Variants in REXO1 observed in about 807,000 individuals in gnomAD.
REXO1 encodes REX1, RNA exonuclease 1 homolog.
REXO1 carries 42 observed loss-of-function variants against 102.6 expected under a neutral mutation model. The ratio of observed to expected loss-of-function variants is 0.41; its 90% CI spans 0.32 to 0.53. The LOEUF is 0.53. Among genes scored for constraint, REXO1 ranks in the 20% least tolerant of loss-of-function variants. REXO1 has a pLI of 0.27. For synonymous variants in REXO1, 908 were observed against 779.1 expected (o/e 1.17, Z -2.76); for missense variants, 1,819 against 1,732.5 (o/e 1.05, Z -0.89).
At position 1,827,280 on chromosome 19, in the gene REXO1, G is replaced by A. The variant is rs1259270111; in HGVS notation, c.1509C>T (p.Gly503=). 7 of 1,563,092 alleles carry A rather than the reference G, an allele frequency of 4.5e-6. No homozygotes were observed. Among genetic ancestry groups the A allele is most frequent in the East Asian group, 4.7e-5 (2 of 42,544 alleles). The change falls in exon 2 of 16, where the codon GGC becomes GGT. Residue 503 remains glycine, a synonymous_variant. Transcript: ENST00000170168. ...VERKARSLDE[G]ASQDAPKLKK... ...TCAGCTTGGGGGCGTCCTGGGAGGC[G>A]CCCTCGTCTAGTGAGCGGGCTTTCC...
intron 12 of REXO1, 159 bp downstream of exon 12, chr19:1,817,060 G>C: frequency 4.5e-6 from 4 of 883,028 alleles, no homozygotes; most frequent in Non-Finnish European, 6.8e-6. Flanking sequence ...GGGAAGTATG[G>C]GGTGTTGGTC....
chr19:1,840,439 A>G (rs16990962), intron 1 of REXO1, among the ~76,000 whole-genome samples: 2,436 of 152,218 alleles, frequency 0.016, 57 homozygotes, highest in African/African-American at 0.054. Flanking sequence ...CAGATGAGAC[A>G]GCATATCAAC....
Position 1,825,939 on chromosome 19 carries a change from G to C in REXO1, c.1916C>G (p.Pro639Arg). ...EDRGRLARQP[P>R]KEEKSEEKGL... Reference sequence around the variant, plus strand: ...CTTCTCCTCACTCTTCTCTTCCTTGGGGGGCTAAGACACATGTCCGTCCGT... The same window carrying C: ...CTTCTCCTCACTCTTCTCTTCCTTGCGGGGCTAAGACACATGTCCGTCCGT... Residue 639 changes from proline (P) to arginine (R), a missense_variant, in exon 3 of 16, where the codon CCC becomes CGC. Coordinates refer to ENST00000170168, the MANE Select transcript of REXO1 (RefSeq NM_020695.4). 6.2e-7 allele frequency: 1 copy of C among 1,610,168 alleles called. No homozygotes were observed. Among genetic ancestry groups the C allele is most frequent in the Non-Finnish European group, 8.5e-7 (1 of 1,176,728 alleles).
intron 11 of REXO1, 121 bp downstream of exon 11, chr19:1,817,586 G>A: frequency 7.0e-7 from 1 of 1,437,318 alleles, no homozygotes; most frequent in Non-Finnish European, 9.4e-7. Flanking sequence ...CACAAGAAAG[G>A]CTGCCCGGGG....
rs539586748 is a variant in REXO1, at chr19:1,816,539, G to A, written c.3348C>T (p.Ala1116=). 7.9e-5 allele frequency: 128 copies of A among 1,611,378 alleles called. No individual in the cohort carries two copies. The South Asian group carries it at 1.2e-3, about 15-fold the overall frequency. The change falls in exon 14 of 16, where the codon GCC becomes GCT. Residue 1116 remains alanine (A), a synonymous_variant. Transcript: ENST00000170168. ...CGTCACGCAGCGTGACACTTGTGTC[G>A]GCAAGGTCAGCCTCCGTCACCCCCG... is the stretch of plus-strand genomic sequence containing the variant. ...RFSGVTEADL[A]DTSVTLRDVQ... is the part of the protein sequence containing the mutation.
intron 3 of REXO1, among the ~76,000 whole-genome samples, chr19:1,824,878 CG>C (rs1181902922): frequency 6.6e-6 from 1 of 152,068 alleles, no homozygotes; most frequent in Non-Finnish European, 1.5e-5. Context: ...CTCCACCTCC[CG>C]GGTTCAAGCA....
At chr19:1,841,247 A>G (rs2011261362) in intron 1 of REXO1, among the ~76,000 whole-genome samples, 1 of 152,180 alleles carries the variant, frequency 6.6e-6, no homozygotes, top group African/African-American at 2.4e-5. Context: ...TTTGTTCTGC[A>G]GCAGATCATA....
rs575686528 is a variant in REXO1, at chr19:1,827,004, C to G, written c.1785G>C (p.Ala595=). Residue 595 remains alanine (A), a synonymous_variant, in exon 2 of 16, where the codon GCG becomes GCC. Transcript: ENST00000170168. The part of the protein sequence containing the change: ...SSSSSTSSAG[A]DVDYSALEKE... ...TCTCCAGGGCCGAGTAGTCCACATCCGCCCCCGCGCTGGAGGTGGAGGAGG... is the reference window on the plus strand; with the variant it reads ...TCTCCAGGGCCGAGTAGTCCACATCGGCCCCCGCGCTGGAGGTGGAGGAGG... 4.6e-5 allele frequency: 72 copies of G among 1,551,650 alleles called. No individual in the cohort carries two copies. The highest frequency in any genetic ancestry group is 5.9e-5 in the Non-Finnish European group (68 of 1,148,686).
chr19:1,817,109 C>A, intron 12 of REXO1, 110 bp downstream of exon 12: 8 of 1,326,222 alleles, frequency 6.0e-6, no homozygotes, highest in Non-Finnish European at 8.2e-6. Context: ...GCGAGAGAAA[C>A]CCTGAGCGCT....
At position 1,819,252 on chromosome 19, in the gene REXO1, C is replaced by T; in HGVS notation, c.2651-121G>A. 7.0e-6 allele frequency: 5 copies of T among 714,594 alleles called. No homozygotes were observed. In the South Asian group the frequency reaches 8.0e-5, roughly 11 times the overall value. 44.3% of individuals were successfully genotyped at this position (714,594 alleles called of 1,614,324 possible). A position where few individuals can be genotyped will look rare whatever the true frequency, so the allele number is the denominator to read the frequency against. On this transcript the variant is annotated intron_variant, in intron 7 of 15. Transcript: ENST00000170168. ...CTGCCTCAACTCCCCCTTTCTGGGACAGCACCCCACTGACCCCGGGTTCCA... is the reference window on the plus strand; with the variant it reads ...CTGCCTCAACTCCCCCTTTCTGGGATAGCACCCCACTGACCCCGGGTTCCA...
intron 3 of REXO1, 110 bp downstream of exon 3, chr19:1,825,729 G>A (rs752277512): frequency 2.7e-6 from 2 of 729,256 alleles, no homozygotes; most frequent in Non-Finnish European, 4.6e-6. Context: ...ACCCGCCTTG[G>A]CCTCCCAAAG....
At chr19:1,819,258 C>A in intron 7 of REXO1, 127 bp from the exon 8 acceptor site, 1 of 703,274 alleles carries the variant, frequency 1.4e-6, no homozygotes, top group Non-Finnish European at 2.3e-6. Flanking sequence ...GGGACAGCAC[C>A]CCACTGACCC....
chr19:1,815,553 T>G lies in REXO1; in HGVS notation c.*513A>C. 3 of 567,246 alleles carry G rather than the reference T, an allele frequency of 5.3e-6. No individual in the cohort carries two copies. The highest frequency in any genetic ancestry group is 2.0e-5 in the African/African-American group (1 of 50,462). The allele number at this position is 567,246 out of a possible 1,614,324, so 35.1% of individuals were successfully genotyped here. Reference sequence around the variant, plus strand: ...TGGCCCTGGCCCCCACTGGGGTCTGTCCCACCCCCACCCCGCAGGAGGGAA... The same window carrying G: ...TGGCCCTGGCCCCCACTGGGGTCTGGCCCACCCCCACCCCGCAGGAGGGAA... On this transcript the variant is annotated 3_prime_UTR_variant, in exon 16 of 16. Transcript: ENST00000170168. This position sits in a 1 kb window ranked among gnomAD's most constrained non-coding sequence, Gnocchi z 4.0.
chr19:1,840,532 C>T (rs1448440857), intron 1 of REXO1, among the ~76,000 whole-genome samples: 1 of 152,180 alleles, frequency 6.6e-6, no homozygotes, highest in African/African-American at 2.4e-5. Flanking sequence ...GAGCTGTCTC[C>T]ATCCCCAGAG....
At chr19:1,824,231 G>A (rs576532163) in intron 3 of REXO1, 8 of 156,740 alleles carry the variant, frequency 5.1e-5, no homozygotes, top group Admixed American at 3.2e-4. Context: ...CCTGACAAGC[G>A]CTACTGTCTC....
intron 3 of REXO1, chr19:1,824,000 C>G: frequency 2.5e-6 from 1 of 394,658 alleles, no homozygotes; most frequent in East Asian, 3.6e-5. Context: ...CCCAGTGTCT[C>G]CCGGTGCCCA....
chr19:1,826,981 T>G lies in REXO1; in HGVS notation c.1808A>C (p.Glu603Ala). The part of the protein sequence containing the change: ...AGADVDYSAL[E>A]KEVDFDSDPM... ...GTCGGAGTCAAAGTCCACCTCCTTC[T>G]CCAGGGCCGAGTAGTCCACATCCGC... Residue 603 changes from glutamate to alanine, a missense_variant, in exon 2 of 16, where the codon GAG (glutamate) becomes GCG (alanine). Physicochemically the swap from Glu to Ala is moderately radical, Grantham distance 107. Coordinates refer to ENST00000170168, the MANE Select transcript of REXO1 (RefSeq NM_020695.4). This position sits in a 1 kb window ranked among gnomAD's most constrained non-coding sequence, Gnocchi z 4.3. 1.3e-6 allele frequency: 2 copies of G among 1,531,780 alleles called. No homozygotes were observed. The highest frequency in any genetic ancestry group is 1.8e-6 in the Non-Finnish European group (2 of 1,135,936). The allele number at this position is 1,531,780 out of a possible 1,614,324, so 94.9% of individuals were successfully genotyped here.
chr19:1,816,926 C>A, intron 12 of REXO1, 113 bp from the exon 13 acceptor site: 1 of 827,360 alleles, frequency 1.2e-6, no homozygotes. Context: ...TGACCAGAGA[C>A]TCTGTGGGAC....
chr19:1,817,394 A>G (rs1225126179), intron 11 of REXO1, 65 bp from the exon 12 acceptor site: 1 of 1,593,980 alleles, frequency 6.3e-7, no homozygotes, highest in East Asian at 2.2e-5. Flanking sequence ...TGGCAGCAGC[A>G]GCACATCTCT....
Sources: gnomAD v4.1 joint callset for allele counts (sites outside exome capture counted in the v4.1 genomes callset) on GRCh38, gnomAD v4.1.1 for gene constraint, Gnocchi (gnomAD v3.1) non-coding constraint, MANE v1.5 for transcripts, NCBI Gene and HGNC (gene_info 2026-07-23, HGNC 2026-07-21) for gene names.